The following LMTK3 variants were observed in gnomAD, a reference collection of about 807,000 sequenced individuals.
LMTK3 encodes lemur tail kinase 3, also known as serine/threonine-protein kinase LMTK3.
In LMTK3, 27 loss-of-function variants were observed where a neutral mutation model predicts 116.7. The ratio of observed to expected loss-of-function variants is 0.23; its 90% CI spans 0.17 to 0.32. LMTK3 has a LOEUF of 0.32. Ranked by LOEUF, LMTK3 falls within the 10% of genes least tolerant of loss-of-function variation. The pLI, the probability that LMTK3 is intolerant of heterozygous loss-of-function variation, is 1.00. For missense variants in LMTK3, 1,764 were observed against 2,068.5 expected (o/e 0.85, Z 2.86); for synonymous variants, 965 against 971.0 (o/e 0.99, Z 0.11).
Position 48,497,610 on chromosome 19 carries a change from TGGCGGTGGCAGCGGTGGC to T in LMTK3, c.3441_3458del (p.Pro1149_Pro1154del), listed in dbSNP as rs1275134832. The stretch of plus-strand genomic sequence containing the variant: ...CCAGCCTCCTCGGCTGTGCCTCCGG[TGGCGGTGGCAGCGGTGGC>T]GGCGGTGGCTGCGGCCTCGTGTTGT... On this transcript the variant is annotated inframe_deletion, in exon 11 of 15. Transcript: ENST00000600059. The surrounding 1 kb of genome is among the most constrained non-coding windows in gnomAD (Gnocchi z 5.7). 19 of 1,305,656 alleles carry T rather than the reference TGGCGGTGGCAGCGGTGGC, an allele frequency of 1.5e-5. No individual in the cohort carries two copies. In the East Asian group the frequency reaches 3.7e-4, roughly 25 times the overall value. The allele number at this position is 1,305,656 out of a possible 1,614,324, so 80.9% of individuals were successfully genotyped here.
rs1353518687 is a variant in LMTK3 at position 48,497,763 on chromosome 19, TGGGGCTCTCGGCGCCCCCCCAGTCTCG to T, written c.3279_3305del (p.Glu1094_Pro1102del). 5 of 1,373,004 alleles carry T rather than the reference TGGGGCTCTCGGCGCCCCCCCAGTCTCG, an allele frequency of 3.6e-6. No homozygotes were observed. The highest frequency in any genetic ancestry group is 3.6e-5 in the Admixed American group (1 of 28,086). The allele number at this position is 1,373,004 out of a possible 1,614,324, so 85.1% of individuals were successfully genotyped here. ...TCCCGAGGTCCAGCCTCCCAGCCCC[TGGGGCTCTCGGCGCCCCCCCAGTCTCG>T]GGGGCTCTCCTCTCGGTCCCGGGTT... On this transcript the variant is annotated inframe_deletion, in exon 11 of 15. Coordinates refer to ENST00000600059, the MANE Select transcript of LMTK3 (RefSeq NM_001388485.1). The surrounding 1 kb of genome is among the most constrained non-coding windows in gnomAD (Gnocchi z 5.7).
Position 48,498,809 on chromosome 19 carries a change from G to T in LMTK3, c.2260C>A (p.Pro754Thr). The change falls in exon 11 of 15, where the codon CCC becomes ACC. Residue 754 changes from proline to threonine, a missense_variant. Coordinates refer to ENST00000600059, the MANE Select transcript of LMTK3 (RefSeq NM_001388485.1). ...YPGRGPPPAP[P>T]PPPPPPRAPA... ...GCCCGAGGAGGTGGCGGCGGGGGGG[G>T]GGGAGCGGGAGGTGGCCCCCGCCCG... The T allele has an allele frequency of 8.1e-7, 1 of 1,236,128 alleles. No homozygotes were observed. Among genetic ancestry groups the T allele is most frequent in the Non-Finnish European group, 1.0e-6 (1 of 956,482 alleles). 76.6% of individuals were successfully genotyped at this position (1,236,128 alleles called of 1,614,324 possible).
upstream of LMTK3, among the ~76,000 whole-genome samples, chr19:48,512,718 C>T (rs1972681717): frequency 6.6e-6 from 1 of 151,936 alleles, no homozygotes; most frequent in African/African-American, 2.4e-5. Context: ...CGGACACAAG[C>T]TTCACTCACA....
At chr19:48,505,091 C>G (rs1972541521) in intron 5 of LMTK3, among the ~76,000 whole-genome samples, 1 of 116,802 alleles carries the variant, frequency 8.6e-6, no homozygotes, top group African/African-American at 3.9e-5. Context: ...TTCTCTCTCT[C>G]TCTCTCTCTC....
Position 48,499,122 on chromosome 19 carries a change from G to A in LMTK3, c.1947C>T (p.Ser649=). 1.3e-6 allele frequency: 2 copies of A among 1,557,806 alleles called. No individual in the cohort carries two copies. Among genetic ancestry groups the A allele is most frequent in the Non-Finnish European group, 1.7e-6 (2 of 1,156,286 alleles). The change falls in exon 11 of 15, where the codon TCC becomes TCT. Residue 649 remains serine, a synonymous_variant. Coordinates refer to ENST00000600059, the MANE Select transcript of LMTK3 (RefSeq NM_001388485.1). ...CAAGGCTGCTGCTGTCTTCCCCTGG[G>A]GAGCTGCCCTCCTCCTCCTCCTCTT... The part of the protein sequence containing the change: ...EEEEEEEEGS[S]PGEDSSSLGG...
Position 48,497,281 on chromosome 19 carries a change from G to C in LMTK3, c.3676+112C>G. On this transcript the variant is annotated intron_variant, in intron 11 of 14. Transcript: ENST00000600059. This position sits in a 1 kb window ranked among gnomAD's most constrained non-coding sequence, Gnocchi z 5.7. The stretch of plus-strand genomic sequence containing the variant: ...TGAGCCCAGGTGGTGCAGGCTTCAG[G>C]ACCTGCATTCATCACTGCCAGCCCG... The C allele has an allele frequency of 5.1e-6, 6 of 1,176,486 alleles. No individual in the cohort carries two copies. The South Asian group carries it at 7.5e-5, about 15-fold the overall frequency. The allele number at this position is 1,176,486 out of a possible 1,614,324, so 72.9% of individuals were successfully genotyped here. A position where few individuals can be genotyped will look rare whatever the true frequency, so the allele number is the denominator to read the frequency against.
Position 48,499,386 on chromosome 19 carries a change from G to A in LMTK3, c.1683C>T (p.Asp561=). The part of the protein sequence containing the change: ...PLFPNDWDPL[D]PGVPAPQAPQ... ...GGGCCTGAGGGGCGGGCACTCCTGG[G>A]TCCAGGGGGTCCCAGTCGTTGGGGA... Residue 561 remains aspartate, a synonymous_variant, in exon 11 of 15, where the codon GAC becomes GAT. Coordinates refer to ENST00000600059, the MANE Select transcript of LMTK3 (RefSeq NM_001388485.1). 3 of 1,445,920 alleles carry A rather than the reference G, an allele frequency of 2.1e-6. No homozygotes were observed. The highest frequency in any genetic ancestry group is 2.7e-6 in the Non-Finnish European group (3 of 1,098,254). The allele number at this position is 1,445,920 out of a possible 1,614,324, so 89.6% of individuals were successfully genotyped here. A position where few individuals can be genotyped will look rare whatever the true frequency, so the allele number is the denominator to read the frequency against.
At position 48,508,856 on chromosome 19, in the gene LMTK3, C is replaced by T. The variant is rs377571163; in HGVS notation, c.552G>A (p.Pro184=). The T allele has an allele frequency of 6.2e-6, 10 of 1,612,480 alleles. No homozygotes were observed. The South Asian group carries it at 6.6e-5, about 11-fold the overall frequency. The change falls in exon 5 of 15, where the codon CCG becomes CCA. Residue 184 remains proline, a synonymous_variant. Coordinates refer to ENST00000600059, the MANE Select transcript of LMTK3 (RefSeq NM_001388485.1). ...CACTGAGAAACCCTCAGTACCTGTACGGCTGTGCTTCCGAGATGAACTTGC... is the reference window on the plus strand; with the variant it reads ...CACTGAGAAACCCTCAGTACCTGTATGGCTGTGCTTCCGAGATGAACTTGC... ...EQRKFISEAQ[P]YRSLQHPNVL...
chr19:48,510,938 C>T (rs1386069663), intron 1 of LMTK3, among the ~76,000 whole-genome samples: 1 of 152,208 alleles, frequency 6.6e-6, no homozygotes, highest in African/African-American at 2.4e-5. Context: ...AAATACGCTC[C>T]CGTGGACAGC....
chr19:48,493,085 A>G (rs1972254160), intron 12 of LMTK3, among the ~76,000 whole-genome samples: 1 of 126,080 alleles, frequency 7.9e-6, no homozygotes, highest in African/African-American at 3.1e-5. Flanking sequence ...CCCCCATTCC[A>G]GCCTTGGATT....
chr19:48,496,598 C>T (rs188010592), intron 11 of LMTK3, among the ~76,000 whole-genome samples: 78 of 152,244 alleles, frequency 5.1e-4, no homozygotes, highest in Non-Finnish European at 7.9e-4. Context: ...CCACCATGCC[C>T]GGCCCATGCC....
chr19:48,498,607 G>T lies in LMTK3; in HGVS notation c.2462C>A (p.Pro821Gln). ...GTCGGGTGGCTCGGGGGGAGCCCGC[G>T]GCCGAGGGACCCCTTCCTCCTCGGC... ...GAAEEEGVPRPRAPPEPPDPG... is the reference protein window; with the variant it reads ...GAAEEEGVPRQRAPPEPPDPG... The change falls in exon 11 of 15, where the codon CCG (proline) becomes CAG (glutamine). Residue 821 changes from proline (P) to glutamine (Q), a missense_variant. Physicochemically the swap from Pro to Gln is moderately conservative, Grantham distance 76 (BLOSUM62 -1). This residue lies in a region of LMTK3 where 1,028 missense variants were observed against 1,050.6 expected (regional missense o/e 0.98). Transcript: ENST00000600059. 1 of 1,546,254 alleles carries T rather than the reference G, an allele frequency of 6.5e-7. No homozygotes were observed.
Position 48,500,903 on chromosome 19 carries a change from G to A in LMTK3, c.1151+93C>T, listed in dbSNP as rs1972452944. On this transcript the variant is annotated intron_variant, in intron 10 of 14. Coordinates refer to ENST00000600059, the MANE Select transcript of LMTK3 (RefSeq NM_001388485.1). The surrounding 1 kb of genome is among the most constrained non-coding windows in gnomAD (Gnocchi z 4.0). ...CTCTTGAGGGGTATGGAGGGCAAAC[G>A]GGATGTGGGTGATGTGGGAAACGAG... 5.4e-6 allele frequency: 7 copies of A among 1,293,708 alleles called. No individual in the cohort carries two copies. Among genetic ancestry groups the A allele is most frequent in the Middle Eastern group, 2.8e-4 (1 of 3,594 alleles). 80.1% of individuals were successfully genotyped at this position (1,293,708 alleles called of 1,614,324 possible). A position where few individuals can be genotyped will look rare whatever the true frequency, so the allele number is the denominator to read the frequency against.
rs1016803434 is a variant in LMTK3 at position 48,494,563 on chromosome 19, T to C, written c.3677-454A>G. Among the ~76,000 whole-genome samples, 3 of 152,166 alleles carry C rather than the reference T, an allele frequency of 2.0e-5. No individual in the cohort carries two copies. The highest frequency in any genetic ancestry group is 7.2e-5 in the African/African-American group (3 of 41,436). On this transcript the variant is annotated intron_variant, in intron 11 of 14. Transcript: ENST00000600059. This position sits in a 1 kb window ranked among gnomAD's most constrained non-coding sequence, Gnocchi z 4.0. ...CCAGGCTGGTCTTGAACTCCTGACC[T>C]TATGATCTGCCCTCTTTGGCCTCCC...
intron 6 of LMTK3, 91 bp from the exon 7 acceptor site, chr19:48,502,672 G>C: frequency 7.1e-7 from 1 of 1,401,652 alleles, no homozygotes. Context: ...GCTGTCACTG[G>C]GTAGCCCCTC....
At chr19:48,485,962 C>T (rs1209952405) in intron 14 of LMTK3, among the ~76,000 whole-genome samples, 173 bp from the exon 15 acceptor site, 1 of 151,446 alleles carries the variant, frequency 6.6e-6, no homozygotes, top group Non-Finnish European at 1.5e-5. Flanking sequence ...AGCCACTGGG[C>T]CTCCTGCTGT....
At position 48,491,451 on chromosome 19, in the gene LMTK3, T is replaced by A; in HGVS notation, c.4181A>T (p.His1394Leu). 6.4e-6 allele frequency: 9 copies of A among 1,396,800 alleles called. No individual in the cohort carries two copies. Among genetic ancestry groups the A allele is most frequent in the Non-Finnish European group, 8.4e-6 (9 of 1,073,376 alleles). 86.5% of individuals were successfully genotyped at this position (1,396,800 alleles called of 1,614,324 possible). A position where few individuals can be genotyped will look rare whatever the true frequency, so the allele number is the denominator to read the frequency against. ...STPPAPPTPP[H>L]PATPGDGFPS... ...AAACCCATCTCCGGGGGTGGCGGGG[T>A]GGGGAGGTGTCGGGGGCGCTGGAGG... Residue 1394 changes from histidine (H) to leucine (L), a missense_variant, in exon 13 of 15, where the codon CAC becomes CTC. Physicochemically the swap from His to Leu is moderately conservative, Grantham distance 99. Coordinates refer to ENST00000600059, the MANE Select transcript of LMTK3 (RefSeq NM_001388485.1). This position sits in a 1 kb window ranked among gnomAD's most constrained non-coding sequence, Gnocchi z 5.1.
In LMTK3 at chr19:48,494,619, A is replaced by G. The variant is rs541451803; in HGVS notation, c.3677-510T>C. Among the ~76,000 whole-genome samples, 2 of 152,128 alleles carry G rather than the reference A, an allele frequency of 1.3e-5. No homozygotes were observed. Among genetic ancestry groups the G allele is most frequent in the South Asian group, 2.1e-4 (1 of 4,808 alleles). The stretch of plus-strand genomic sequence containing the variant: ...GCTGGGATTACAGGCATGAGCCACC[A>G]CACCCGGCCAGATCCACCTCTCTGA... On this transcript the variant is annotated intron_variant, in intron 11 of 14. Transcript: ENST00000600059. This position sits in a 1 kb window ranked among gnomAD's most constrained non-coding sequence, Gnocchi z 4.0.
In LMTK3 at chr19:48,485,733, C is replaced by T. The variant is rs1361587351; in HGVS notation, c.*40G>A. 20 of 1,602,802 alleles carry T rather than the reference C, an allele frequency of 1.2e-5. No homozygotes were observed. Among genetic ancestry groups the T allele is most frequent in the Non-Finnish European group, 1.7e-5 (20 of 1,174,318 alleles). ...ATCCACAGAGGATTCCATTCTCAAC[C>T]CCTCTTCTGAGGGTGCAGCGGGGTC... On this transcript the variant is annotated 3_prime_UTR_variant, in exon 15 of 15. Coordinates refer to ENST00000600059, the MANE Select transcript of LMTK3 (RefSeq NM_001388485.1).
Sources: allele counts gnomAD v4.1 joint callset (sites outside exome capture counted in the v4.1 genomes callset), GRCh38; gene constraint gnomAD v4.1.1; regional missense constraint gnomAD v4.1.1; non-coding constraint Gnocchi (gnomAD v3.1); transcripts MANE v1.5; gene names NCBI Gene and HGNC (gene_info 2026-07-23, HGNC 2026-07-21).